Variants in ADAMTS19 observed in about 807,000 individuals in gnomAD.
ADAMTS19 encodes ADAM metallopeptidase with thrombospondin type 1 motif 19, also known as A disintegrin and metalloproteinase with thrombospondin motifs 19.
A neutral mutation model predicts 153.3 loss-of-function variants in ADAMTS19; 93 were observed. The ratio of observed to expected loss-of-function variants is 0.61; its 90% CI spans 0.51 to 0.72. ADAMTS19 has a LOEUF of 0.72. Ranked by LOEUF, ADAMTS19 falls within the 30% of genes least tolerant of loss-of-function variation. The probability of loss-of-function intolerance (pLI) is 0.00; values close to 1 mark genes in which losing one functional copy is unlikely to be tolerated. For synonymous variants in ADAMTS19, 600 were observed against 556.6 expected (o/e 1.08, Z -1.10); for missense variants, 1,482 against 1,552.1 (o/e 0.95, Z 0.76).
intron 18 of ADAMTS19, among the ~76,000 whole-genome samples, chr5:129,685,564 C>T (rs891516368): frequency 7.9e-5 from 12 of 151,960 alleles, no homozygotes; most frequent in Admixed American, 5.9e-4. Flanking sequence ...ACATGAAAGT[C>T]AATGGTTATC....
At chr5:129,557,064 TA>T (rs1163074491) in intron 7 of ADAMTS19, among the ~76,000 whole-genome samples, 1 of 152,178 alleles carries the variant, frequency 6.6e-6, no homozygotes, top group Non-Finnish European at 1.5e-5. Flanking sequence ...TTCAAATCTT[TA>T]AACTGTGGTA....
chr5:129,485,883 C>T (rs966407714), intron 2 of ADAMTS19, among the ~76,000 whole-genome samples: 2 of 152,006 alleles, frequency 1.3e-5, no homozygotes, highest in African/African-American at 4.8e-5. Flanking sequence ...CTCCACCTTC[C>T]AGGTTCAAGT....
chr5:129,597,051 A>G (rs1750413475), intron 8 of ADAMTS19, among the ~76,000 whole-genome samples: 1 of 152,216 alleles, frequency 6.6e-6, no homozygotes, highest in African/African-American at 2.4e-5. Context: ...TGTTATTACC[A>G]GGCATAAGTG....
At chr5:129,728,104 T>C (rs909474196) in intron 21 of ADAMTS19, among the ~76,000 whole-genome samples, 6 of 152,128 alleles carry the variant, frequency 3.9e-5, no homozygotes, top group African/African-American at 1.4e-4. Context: ...TTATACATTA[T>C]GCATTAGCAT....
In ADAMTS19 at chr5:129,566,297, T is replaced by C. The variant is rs116382511; in HGVS notation, c.1372+14390T>C. ...TAGAAAAAAAATATAATTCCCTAGGTAGTTTTCTTTGAGTTATAAGATGCT... is the reference window on the plus strand; with the variant it reads ...TAGAAAAAAAATATAATTCCCTAGGCAGTTTTCTTTGAGTTATAAGATGCT... On this transcript the variant is annotated intron_variant, in intron 7 of 22. Transcript: ENST00000274487. Among the ~76,000 whole-genome samples the C allele has an allele frequency of 7.1e-3, 1,077 of 152,238 alleles. 13 individuals are homozygous for C. The highest frequency in any genetic ancestry group is 0.025 in the African/African-American group (1,022 of 41,550).
chr5:129,502,600 A>T (rs535432139), intron 2 of ADAMTS19, among the ~76,000 whole-genome samples: 1 of 152,310 alleles, frequency 6.6e-6, no homozygotes, highest in South Asian at 2.1e-4. Context: ...TAACAATGTG[A>T]TCATCTGAAA....
At chr5:129,526,248 TGAA>T (rs1277245876) in intron 3 of ADAMTS19, 33 bp from the exon 4 acceptor site, 1 of 1,513,504 alleles carries the variant, frequency 6.6e-7, no homozygotes, top group African/African-American at 1.4e-5. Context: ...TTTGCCAATA[TGAA>T]GGTGCATTGA....
intron 7 of ADAMTS19, among the ~76,000 whole-genome samples, chr5:129,593,526 A>T (rs1750242712): frequency 6.6e-6 from 1 of 152,070 alleles, no homozygotes; most frequent in African/African-American, 2.4e-5. Context: ...TTCATCACTG[A>T]TGATTCCATT....
chr5:129,631,605 C>A (rs1274463535), intron 10 of ADAMTS19, among the ~76,000 whole-genome samples: 1 of 151,810 alleles, frequency 6.6e-6, no homozygotes, highest in African/African-American at 2.4e-5. Context: ...ATGAAAAAGT[C>A]TTCTTTATCA....
At chr5:129,621,790 T>C (rs1751787214) in intron 9 of ADAMTS19, among the ~76,000 whole-genome samples, 1 of 152,198 alleles carries the variant, frequency 6.6e-6, no homozygotes, top group Non-Finnish European at 1.5e-5. Flanking sequence ...ACACTGTTAA[T>C]ATTCACCTGA....
At chr5:129,632,732 A>G (rs1752357028) in intron 10 of ADAMTS19, among the ~76,000 whole-genome samples, 1 of 151,694 alleles carries the variant, frequency 6.6e-6, no homozygotes, top group Non-Finnish European at 1.5e-5. Context: ...TCTCTTCTCC[A>G]TAGTTTAAGA....
intron 3 of ADAMTS19, among the ~76,000 whole-genome samples, chr5:129,522,769 G>GAT (rs1751868623): frequency 6.6e-6 from 1 of 151,966 alleles, no homozygotes; most frequent in African/African-American, 2.4e-5. Flanking sequence ...GAATCCAAGA[G>GAT]ATAAGGCTGG....
At position 129,461,026 on chromosome 5, in the gene ADAMTS19, C is replaced by A; in HGVS notation, c.92-76C>A. On this transcript the variant is annotated intron_variant, in intron 1 of 22. Coordinates refer to ENST00000274487, the MANE Select transcript of ADAMTS19 (RefSeq NM_133638.6). This position sits in a 1 kb window ranked among gnomAD's most constrained non-coding sequence, Gnocchi z 4.6. ...AACGCGAGCGCCCTGTATCTATGGA[C>A]TGTGAGCTTGGAAATGTTTGTGCTA... 1 of 1,281,152 alleles carries A rather than the reference C, an allele frequency of 7.8e-7. No homozygotes were observed. The highest frequency in any genetic ancestry group is 2.5e-5 in the South Asian group (1 of 39,756). 79.4% of individuals were successfully genotyped at this position (1,281,152 alleles called of 1,614,324 possible). A position where few individuals can be genotyped will look rare whatever the true frequency, so the allele number is the denominator to read the frequency against.
chr5:129,684,334 A>G, intron 18 of ADAMTS19, 61 bp downstream of exon 18: 1 of 1,575,488 alleles, frequency 6.3e-7, no homozygotes, highest in Non-Finnish European at 8.6e-7. Context: ...TTAAGCATTG[A>G]TAATTAAGAC....
chr5:129,695,168 G>A (rs896612011), intron 19 of ADAMTS19, among the ~76,000 whole-genome samples: 1 of 152,062 alleles, frequency 6.6e-6, no homozygotes, highest in Non-Finnish European at 1.5e-5. Context: ...ATAGCTGTTT[G>A]CTCCTGAATT....
At chr5:129,662,536 T>G (rs1442744211) in intron 15 of ADAMTS19, among the ~76,000 whole-genome samples, 1 of 152,230 alleles carries the variant, frequency 6.6e-6, no homozygotes, top group East Asian at 1.9e-4. Context: ...AACTATAAAC[T>G]TAGATATAAC....
chr5:129,690,321 A>G (rs914195387), intron 18 of ADAMTS19, among the ~76,000 whole-genome samples: 6 of 152,234 alleles, frequency 3.9e-5, no homozygotes, highest in Admixed American at 2.0e-4. Flanking sequence ...TGTTATTACT[A>G]TAGTGTAAAG....
In ADAMTS19 at chr5:129,684,192, A is replaced by T; in HGVS notation, c.2737A>T (p.Asn913Tyr). The T allele has an allele frequency of 6.2e-7, 1 of 1,614,198 alleles. No homozygotes were observed. The highest frequency in any genetic ancestry group is 8.5e-7 in the Non-Finnish European group (1 of 1,180,030). The change falls in exon 18 of 23, where the codon AAC (asparagine) becomes TAC (tyrosine). Residue 913 changes from asparagine (N) to tyrosine (Y), a missense_variant. Physicochemically the swap from Asn to Tyr is moderately radical, Grantham distance 143. Coordinates refer to ENST00000274487, the MANE Select transcript of ADAMTS19 (RefSeq NM_133638.6). ...YTIPSDPLPE[N>Y]QSSKAPEPLF... is the part of the protein sequence containing the mutation. ...TATCCCATCAGACCCTCTTCCAGAA[A>T]ACCAGAGCTCTAAAGCACCTGAGCC...
chr5:129,517,935 T>G (rs998177714), intron 3 of ADAMTS19, among the ~76,000 whole-genome samples: 5 of 152,076 alleles, frequency 3.3e-5, no homozygotes, highest in Non-Finnish European at 5.9e-5. Flanking sequence ...GTTTCTTGCT[T>G]TTTATTCTCT....
Sources: gnomAD v4.1 joint callset for allele counts (sites outside exome capture counted in the v4.1 genomes callset) on GRCh38, gnomAD v4.1.1 for gene constraint, Gnocchi (gnomAD v3.1) non-coding constraint, MANE v1.5 for transcripts, NCBI Gene and HGNC (gene_info 2026-07-23, HGNC 2026-07-21) for gene names.